SENP6: variants seen among roughly 807,000 people sequenced by gnomAD.
The protein encoded by SENP6 is sentrin-specific protease 6.
Under a neutral mutation model 134.5 loss-of-function variants are expected in SENP6, and 41 were observed. The ratio of observed to expected loss-of-function variants is 0.30; its 90% CI spans 0.24 to 0.40. The LOEUF (loss-of-function observed/expected upper bound fraction) is 0.40. Ranked by LOEUF, SENP6 falls within the 10% of genes least tolerant of loss-of-function variation. The probability of loss-of-function intolerance (pLI) is 1.00; values close to 1 mark genes in which losing one functional copy is unlikely to be tolerated. For synonymous variants in SENP6, 395 were observed against 429.8 expected, an observed-to-expected ratio of 0.92 and a Z score of 1.00; for missense variants, 1,248 against 1,312.5, an observed-to-expected ratio of 0.95 and a Z score of 0.76.
chr6:75,627,281 G>T (rs1188302702), intron 3 of SENP6, among the ~76,000 whole-genome samples: 1 of 152,058 alleles, frequency 6.6e-6, no homozygotes, highest in Non-Finnish European at 1.5e-5. Flanking sequence ...TATTGAATTT[G>T]ATGTTTTTCT....
intron 4 of SENP6, 48 bp from the exon 5 acceptor site, chr6:75,634,659 A>G (rs1303923317): frequency 3.9e-6 from 4 of 1,035,358 alleles, no homozygotes; most frequent in East Asian, 5.1e-5. Flanking sequence ...ATAAATGTGT[A>G]TATAATTTTT....
intron 16 of SENP6, among the ~76,000 whole-genome samples, chr6:75,690,765 G>A (rs183522315): frequency 1.0e-3 from 154 of 150,540 alleles, no homozygotes; most frequent in African/African-American, 3.5e-3. Context: ...GTGCAATCTC[G>A]GCTCACTGCA....
intron 1 of SENP6, among the ~76,000 whole-genome samples, chr6:75,610,411 T>C (rs1478106171): frequency 1.3e-5 from 2 of 152,180 alleles, no homozygotes; most frequent in Non-Finnish European, 2.9e-5. Flanking sequence ...CAACAATGGA[T>C]AATCCATTAT....
intron 5 of SENP6, among the ~76,000 whole-genome samples, chr6:75,637,173 C>G (rs1769587986): frequency 6.6e-6 from 1 of 152,160 alleles, no homozygotes; most frequent in Non-Finnish European, 1.5e-5. Context: ...CTGCACCTGT[C>G]TCAAGTCTTA....
At chr6:75,605,781 G>GTT (rs1303144225) in intron 1 of SENP6, among the ~76,000 whole-genome samples, 1 of 152,160 alleles carries the variant, frequency 6.6e-6, no homozygotes, top group African/African-American at 2.4e-5. Flanking sequence ...TAATGATATG[G>GTT]TTTATCTTTT....
intron 17 of SENP6, among the ~76,000 whole-genome samples, chr6:75,696,351 C>A (rs1218510806): frequency 6.6e-6 from 1 of 152,124 alleles, no homozygotes; most frequent in African/African-American, 2.4e-5. Flanking sequence ...ACAGATTACT[C>A]TGTTTTATCC....
intron 1 of SENP6, among the ~76,000 whole-genome samples, chr6:75,610,621 C>A (rs1485893749): frequency 6.6e-6 from 1 of 152,172 alleles, no homozygotes; most frequent in Non-Finnish European, 1.5e-5. Context: ...TAACTATTAT[C>A]TTCAGAGTAT....
intron 8 of SENP6, among the ~76,000 whole-genome samples, chr6:75,660,248 A>T (rs1179899502): frequency 6.6e-6 from 1 of 152,196 alleles, no homozygotes. Context: ...ACATCAGGAG[A>T]CATACGATGT....
intron 3 of SENP6, among the ~76,000 whole-genome samples, chr6:75,625,066 C>G (rs1768565934): frequency 6.8e-6 from 1 of 146,984 alleles, no homozygotes; most frequent in Non-Finnish European, 1.5e-5. Context: ...GAAATTGGCC[C>G]TTTGCTGTGA....
rs71544060 is a variant in SENP6, at chr6:75,699,354, CTTT to C, written c.2288+1855_2288+1857del. On this transcript the variant is annotated intron_variant, in intron 18 of 23. Transcript: ENST00000447266. ...TCAAGAGAGCTTGTTTTTGTTTTTGCTTTTTTTTTTTTTTTTTTTTGAAGAGAC... is the reference window on the plus strand; with the variant it reads ...TCAAGAGAGCTTGTTTTTGTTTTTGCTTTTTTTTTTTTTTTTTGAAGAGAC... 0.013 allele frequency among the ~76,000 whole-genome samples: 1,496 copies of C among 115,026 alleles called. 37 individuals are homozygous for C. In the East Asian group the frequency reaches 0.16, roughly 13 times the overall value. 75.5% of individuals were successfully genotyped at this position (115,026 alleles called of 152,430 possible). A position where few individuals can be genotyped will look rare whatever the true frequency, so the allele number is the denominator to read the frequency against.
At chr6:75,622,750 G>A in intron 2 of SENP6, 1 of 1,276,246 alleles carries the variant, frequency 7.8e-7, no homozygotes, top group Non-Finnish European at 1.0e-6. Flanking sequence ...AAATATTGTA[G>A]GTGCTTCACT....
At chr6:75,647,035 A>G (rs1216963433) in intron 6 of SENP6, among the ~76,000 whole-genome samples, 3 of 152,224 alleles carry the variant, frequency 2.0e-5, no homozygotes, top group Non-Finnish European at 2.9e-5. Flanking sequence ...TTACATTACT[A>G]GATCACCAGT....
intron 8 of SENP6, among the ~76,000 whole-genome samples, 171 bp downstream of exon 8, chr6:75,659,578 A>C (rs1771617646): frequency 1.3e-5 from 2 of 152,174 alleles, no homozygotes; most frequent in South Asian, 4.1e-4. Context: ...GCTTGTTCAA[A>C]ATATAGAATT....
chr6:75,627,232 G>C (rs557425524), intron 3 of SENP6, among the ~76,000 whole-genome samples: 1 of 152,274 alleles, frequency 6.6e-6, no homozygotes, highest in South Asian at 2.1e-4. Context: ...AAAGTGCTGA[G>C]ATTACAGGCG....
Position 75,703,672 on chromosome 6 carries a change from G to A in SENP6, c.2716+600G>A, listed in dbSNP as rs559224475. ...AGCTACTTAGGAGGTTGAGGAGGGA[G>A]GATCGCTTGAGCTCAGGGTGCTGAA... On this transcript the variant is annotated intron_variant, in intron 19 of 23. Transcript: ENST00000447266. Among the ~76,000 whole-genome samples the A allele has an allele frequency of 2.6e-5, 4 of 152,258 alleles. No individual in the cohort carries two copies. In the East Asian group the frequency reaches 7.7e-4, roughly 29 times the overall value.
intron 3 of SENP6, among the ~76,000 whole-genome samples, chr6:75,628,952 T>C (rs1247251076): frequency 6.6e-6 from 1 of 152,192 alleles, no homozygotes; most frequent in East Asian, 1.9e-4. Context: ...TTGGAACTCC[T>C]GACCTCAAGT....
chr6:75,648,509 C>T (rs1770623627), intron 7 of SENP6, among the ~76,000 whole-genome samples: 1 of 151,986 alleles, frequency 6.6e-6, no homozygotes, highest in Non-Finnish European at 1.5e-5. Context: ...TTTTAAAAAA[C>T]ACCCACATTT....
chr6:75,676,174 G>A (rs1334346456), intron 13 of SENP6, 120 bp downstream of exon 13: 1 of 539,362 alleles, frequency 1.9e-6, no homozygotes, highest in Non-Finnish European at 3.0e-6. Context: ...ATCTACAATT[G>A]TCACAGCCAC....
At chr6:75,605,379 CTG>C (rs1339913162) in intron 1 of SENP6, among the ~76,000 whole-genome samples, 2 of 152,160 alleles carry the variant, frequency 1.3e-5, no homozygotes, top group South Asian at 4.1e-4. Context: ...CTGTAATAAA[CTG>C]TGAAAAAGTA....
Sources: allele counts gnomAD v4.1 joint callset (sites outside exome capture counted in the v4.1 genomes callset), GRCh38; gene constraint gnomAD v4.1.1; transcripts MANE v1.5; gene names NCBI Gene and HGNC (gene_info 2026-07-23, HGNC 2026-07-21).